Variants in RCC1 observed in about 807,000 individuals in gnomAD.
RCC1 encodes the protein regulator of chromosome condensation 1.
RCC1 carries 11 observed loss-of-function variants against 44.4 expected under a neutral mutation model. That is an observed-to-expected ratio of 0.25 (90% CI 0.16 to 0.41). The LOEUF is 0.41. Ranked by LOEUF, RCC1 falls within the 10% of genes least tolerant of loss-of-function variation. RCC1 has a pLI of 1.00. For synonymous variants in RCC1, 213 were observed against 216.5 expected (o/e 0.98, Z 0.14); for missense variants, 386 against 547.1 (o/e 0.71, Z 2.94).
chr1:28,516,485 G>C (rs532794386), intron 3 of RCC1, among the ~76,000 whole-genome samples: 2 of 143,938 alleles, frequency 1.4e-5, no homozygotes, highest in African/African-American at 2.7e-5. Flanking sequence ...CTGGGCAACA[G>C]AGTGAGACCC....
chr1:28,514,775 A>C (rs1334870310), intron 3 of RCC1, among the ~76,000 whole-genome samples: 1 of 151,604 alleles, frequency 6.6e-6, no homozygotes, highest in Non-Finnish European at 1.5e-5. Context: ...AAAAAAAAAC[A>C]ATCTTCCGGC....
intron 1 of RCC1, 117 bp downstream of exon 1, chr1:28,506,201 C>T (rs1424595999): frequency 3.2e-5 from 13 of 401,202 alleles, no homozygotes; most frequent in Non-Finnish European, 4.4e-5. Flanking sequence ...TATTTATTTA[C>T]TTTTTTTTTT....
At chr1:28,514,471 CCTT>C (rs1054046491) in intron 3 of RCC1, among the ~76,000 whole-genome samples, 22 of 145,068 alleles carry the variant, frequency 1.5e-4, no homozygotes, top group Non-Finnish European at 2.0e-4. Context: ...AAAAAAAAAA[CCTT>C]CTGGCGGCCT....
chr1:28,536,331 G>C lies in RCC1; in HGVS notation c.887G>C (p.Trp296Ser). ...TCCTTCAAGAATTCCACCAAGTCCT[G>C]GGTGGGCTTCTCTGGTGGCCAGCAC... Reference protein sequence around the residue: ...LTSFKNSTKSWVGFSGGQHHT... With the variant: ...LTSFKNSTKSSVGFSGGQHHT... Residue 296 changes from tryptophan to serine, a missense_variant, in exon 11 of 13, where the codon TGG (tryptophan) becomes TCG (serine). Coordinates refer to ENST00000683442, the MANE Select transcript of RCC1 (RefSeq NM_001381865.2). This position sits in a 1 kb window ranked among gnomAD's most constrained non-coding sequence, Gnocchi z 4.9. The C allele has an allele frequency of 6.2e-7, 1 of 1,614,056 alleles. No individual in the cohort carries two copies. Among genetic ancestry groups the C allele is most frequent in the Non-Finnish European group, 8.5e-7 (1 of 1,179,928 alleles).
chr1:28,519,106 G>A (rs1200426827), intron 4 of RCC1: 1 of 152,532 alleles, frequency 6.6e-6, no homozygotes, highest in African/African-American at 2.4e-5. Context: ...CTTTCCAGGT[G>A]AAGTGACTCT....
intron 12 of RCC1, among the ~76,000 whole-genome samples, chr1:28,537,523 CAG>C (rs1423778888): frequency 6.6e-6 from 1 of 152,172 alleles, no homozygotes; most frequent in Non-Finnish European, 1.5e-5. Context: ...CCATTCCAGG[CAG>C]AGGAACATCA....
In RCC1 at chr1:28,538,419, G is replaced by A. The variant is rs758766986; in HGVS notation, c.*412G>A. The A allele has an allele frequency of 1.3e-5, 2 of 159,106 alleles. No homozygotes were observed. The highest frequency in any genetic ancestry group is 4.8e-5 in the African/African-American group (2 of 41,522). 9.9% of individuals were successfully genotyped at this position (159,106 alleles called of 1,614,324 possible). On this transcript the variant is annotated 3_prime_UTR_variant, in exon 13 of 13. Transcript: ENST00000683442. ...CATTCTAGTCATGTGCCCCTTTCCT[G>A]TCCCTAACAGTCCACAGGCAAACAA...
At position 28,522,416 on chromosome 1, in the gene RCC1, T is replaced by C. The variant is rs950888786; in HGVS notation, c.-10+5549T>C. On this transcript the variant is annotated intron_variant, in intron 4 of 12. Transcript: ENST00000683442. Reference sequence around the variant, plus strand: ...AGTACCCGATGTTGGAGACCTCTAATACCCAGCTAAGAAATGTGGGCTTTA... The same window carrying C: ...AGTACCCGATGTTGGAGACCTCTAACACCCAGCTAAGAAATGTGGGCTTTA... Among the ~76,000 whole-genome samples the C allele has an allele frequency of 2.0e-5, 3 of 152,222 alleles. No individual in the cohort carries two copies. In the East Asian group the frequency reaches 5.8e-4, roughly 29 times the overall value.
At chr1:28,530,509 T>G in intron 5 of RCC1, 1 of 1,597,146 alleles carries the variant, frequency 6.3e-7, no homozygotes, top group Non-Finnish European at 8.5e-7. Flanking sequence ...TCAGACAGTG[T>G]CTGTCTTTTG....
chr1:28,517,830 G>C (rs1421579280), intron 4 of RCC1, among the ~76,000 whole-genome samples: 1 of 152,148 alleles, frequency 6.6e-6, no homozygotes, highest in African/African-American at 2.4e-5. Context: ...AACTTGGAAA[G>C]CTGTTCTTAA....
intron 2 of RCC1, 97 bp from the exon 3 acceptor site, chr1:28,508,729 ATGAC>A (rs748604149): frequency 2.1e-5 from 11 of 518,302 alleles, no homozygotes; most frequent in South Asian, 1.1e-4. Context: ...CCTGTGGACA[ATGAC>A]TGGGGAGACA....
rs747461926 is a variant in RCC1 at position 28,535,262 on chromosome 1, C to T, written c.543C>T (p.Asn181=). ...DVPVVKVASG[N]DHLVMLTADG... Reference sequence around the variant, plus strand: ...CCCTTACCTTTTCATCCTTAGGAAACGACCACTTGGTGATGCTGACAGCTG... The same window carrying T: ...CCCTTACCTTTTCATCCTTAGGAAATGACCACTTGGTGATGCTGACAGCTG... The change falls in exon 9 of 13, where the codon AAC becomes AAT. Residue 181 remains asparagine, a synonymous_variant. Transcript: ENST00000683442. 9.3e-6 allele frequency: 15 copies of T among 1,614,086 alleles called. No individual in the cohort carries two copies. Among genetic ancestry groups the T allele is most frequent in the South Asian group, 4.4e-5 (4 of 91,086 alleles).
chr1:28,530,672 C>A, intron 5 of RCC1: 1 of 1,435,786 alleles, frequency 7.0e-7, no homozygotes. Flanking sequence ...TCAGCGGTGG[C>A]CACATCCTCG....
chr1:28,523,510 A>C (rs1663435604), intron 4 of RCC1, among the ~76,000 whole-genome samples: 1 of 152,058 alleles, frequency 6.6e-6, no homozygotes, highest in Admixed American at 6.6e-5. Context: ...AAACACAACT[A>C]AGGAGATGTT....
chr1:28,528,983 C>T (rs1269864259), intron 4 of RCC1, among the ~76,000 whole-genome samples: 3 of 150,628 alleles, frequency 2.0e-5, no homozygotes, highest in African/African-American at 7.3e-5. Context: ...CTGCCTCAGC[C>T]TCCCAAGTAG....
chr1:28,518,315 C>A (rs1663024923), intron 4 of RCC1: 1 of 152,332 alleles, frequency 6.6e-6, no homozygotes, highest in Non-Finnish European at 1.5e-5. Flanking sequence ...CAAGGTAGGT[C>A]TCGCCTGGGA....
intron 1 of RCC1, chr1:28,506,542 C>T (rs147351130): frequency 3.0e-4 from 72 of 237,570 alleles, no homozygotes; most frequent in African/African-American, 1.5e-3. Flanking sequence ...GGTCCCAACT[C>T]TAAAGTACGC....
chr1:28,535,421 C>T (rs777165072), intron 9 of RCC1, 41 bp downstream of exon 9: 17 of 1,609,526 alleles, frequency 1.1e-5, no homozygotes, highest in African/African-American at 4.0e-5. Context: ...AATTGGCAGG[C>T]CACCCCCACA....
At chr1:28,519,056 CA>C (rs1557871296) in intron 4 of RCC1, 2 of 152,248 alleles carry the variant, frequency 1.3e-5, no homozygotes, top group East Asian at 1.9e-4. Context: ...GGGGAGCCCT[CA>C]GGGGGATCCC....
Sources: gnomAD v4.1 joint callset for allele counts (sites outside exome capture counted in the v4.1 genomes callset) on GRCh38, gnomAD v4.1.1 for gene constraint, Gnocchi (gnomAD v3.1) non-coding constraint, MANE v1.5 for transcripts, NCBI Gene and HGNC (gene_info 2026-07-23, HGNC 2026-07-21) for gene names.